The following CDYL2 variants were observed in gnomAD, a reference collection of about 807,000 sequenced individuals.
CDYL2 encodes the protein chromodomain Y like 2, also known as chromodomain Y-like protein 2.
Under a neutral mutation model 49.4 loss-of-function variants are expected in CDYL2, and 23 were observed. That is an observed-to-expected ratio of 0.47 (90% confidence interval 0.34 to 0.66). The LOEUF (loss-of-function observed/expected upper bound fraction) is 0.66. CDYL2 is among the 30% of genes least tolerant of loss of function. The pLI, the probability that CDYL2 is intolerant of heterozygous loss-of-function variation, is 0.01. For missense variants in CDYL2, 678 were observed against 656.4 expected, an observed-to-expected ratio of 1.03 and a Z score of -0.36; for synonymous variants, 360 against 268.8, an observed-to-expected ratio of 1.34 and a Z score of -3.32.
At chr16:80,625,050 T>C (rs1006501406) in intron 3 of CDYL2, among the ~76,000 whole-genome samples, 2 of 152,196 alleles carry the variant, frequency 1.3e-5, no homozygotes, top group Non-Finnish European at 2.9e-5. Context: ...TTTAACAGAA[T>C]TGATGAAAGA....
At chr16:80,652,846 C>A (rs768426480) in intron 2 of CDYL2, among the ~76,000 whole-genome samples, 2 of 152,164 alleles carry the variant, frequency 1.3e-5, no homozygotes, top group African/African-American at 4.8e-5. Flanking sequence ...CTACAAAATA[C>A]CAAGCAGCTC....
intron 2 of CDYL2, among the ~76,000 whole-genome samples, chr16:80,656,420 A>G (rs1908814531): frequency 6.6e-6 from 1 of 152,226 alleles, no homozygotes; most frequent in Admixed American, 6.5e-5. Context: ...CAGATCCCAC[A>G]TCCCCCTCAT....
At chr16:80,692,120 C>T (rs1910441195) in intron 1 of CDYL2, among the ~76,000 whole-genome samples, 1 of 152,166 alleles carries the variant, frequency 6.6e-6, no homozygotes, top group South Asian at 2.1e-4. Flanking sequence ...CTAAACAGGG[C>T]AGAAACGCTA....
chr16:80,601,009 G>A lies in CDYL2; in HGVS notation c.*3379C>T, dbSNP rs544756038. On this transcript the variant is annotated 3_prime_UTR_variant, in exon 7 of 7. Transcript: ENST00000570137. ...AGTTTAATCTATACCAAACAAGAAT[G>A]ATATTTTAAATCAATTCTCTACTAC... 1.3e-5 allele frequency: 2 copies of A among 152,296 alleles called. No homozygotes were observed. Among genetic ancestry groups the A allele is most frequent in the African/African-American group, 2.4e-5 (1 of 41,562 alleles). The allele number at this position is 152,296 out of a possible 1,614,324, so 9.4% of individuals were successfully genotyped here. A position where few individuals can be genotyped will look rare whatever the true frequency, so the allele number is the denominator to read the frequency against.
intron 2 of CDYL2, among the ~76,000 whole-genome samples, chr16:80,667,058 TAAAAACGGA>T (rs915199479): frequency 9.2e-5 from 14 of 151,976 alleles, no homozygotes; most frequent in Admixed American, 4.6e-4. Context: ...TGTGTGCAAA[TAAAAACGGA>T]AACTGAGCTA....
intron 6 of CDYL2, among the ~76,000 whole-genome samples, chr16:80,606,978 G>T (rs1181718837): frequency 6.6e-6 from 1 of 152,154 alleles, no homozygotes; most frequent in Non-Finnish European, 1.5e-5. Context: ...CCAGTCTCGG[G>T]TATGTCTTTA....
At chr16:80,794,194 T>C (rs1907695821) in intron 1 of CDYL2, among the ~76,000 whole-genome samples, 1 of 152,206 alleles carries the variant, frequency 6.6e-6, no homozygotes, top group Non-Finnish European at 1.5e-5. Flanking sequence ...CTACCTTTAA[T>C]ACAATATAAT....
At chr16:80,658,915 G>A (rs1908920882) in intron 2 of CDYL2, among the ~76,000 whole-genome samples, 1 of 152,160 alleles carries the variant, frequency 6.6e-6, no homozygotes, top group African/African-American at 2.4e-5. Context: ...ATTGCAAAAG[G>A]GCATATAAGG....
chr16:80,716,437 GATGGATGGATGC>G (rs1269054298), intron 1 of CDYL2, among the ~76,000 whole-genome samples: 2 of 152,020 alleles, frequency 1.3e-5, no homozygotes, highest in South Asian at 2.1e-4. Context: ...TGGGTAGGTC[GATGGATGGATGC>G]ATGGATGGAT....
intron 1 of CDYL2, among the ~76,000 whole-genome samples, chr16:80,717,999 C>T (rs1019495505): frequency 3.3e-5 from 5 of 152,164 alleles, no homozygotes; most frequent in African/African-American, 7.2e-5. Context: ...TGCTGTCTCA[C>T]GCTGGGTGCT....
intron 1 of CDYL2, among the ~76,000 whole-genome samples, chr16:80,716,689 G>T (rs1226061694): frequency 6.6e-6 from 1 of 151,462 alleles, no homozygotes; most frequent in Non-Finnish European, 1.5e-5. Flanking sequence ...GATAACAGAG[G>T]GGTAATTGAA....
chr16:80,670,923 C>T (rs1373299830), intron 2 of CDYL2: 9 of 455,840 alleles, frequency 2.0e-5, no homozygotes, highest in South Asian at 1.1e-4. Context: ...CAGGGGCTTG[C>T]CTCACCAGCT....
intron 3 of CDYL2, among the ~76,000 whole-genome samples, chr16:80,622,590 G>C (rs1325704581): frequency 6.6e-6 from 1 of 152,164 alleles, no homozygotes; most frequent in Non-Finnish European, 1.5e-5. Context: ...GCCTAGCACA[G>C]TGCCTGGGGT....
At chr16:80,744,930 T>A (rs144954275) in intron 1 of CDYL2, among the ~76,000 whole-genome samples, 473 of 152,220 alleles carry the variant, frequency 3.1e-3, no homozygotes, top group African/African-American at 0.011. Context: ...GCCACCTGTC[T>A]CCCCTAGGCC....
In CDYL2 at chr16:80,678,784, A is replaced by G. The variant is rs950584486; in HGVS notation, c.616+5754T>C. Among the ~76,000 whole-genome samples the G allele has an allele frequency of 1.4e-3, 213 of 151,268 alleles. 6 individuals carry two copies. The highest frequency in any genetic ancestry group is 5.0e-3 in the African/African-American group (205 of 40,858). ...TGGGTATATACCCAAAGGACTATAA[A>G]TCATGCTGCTATAAAGACACATGCA... On this transcript the variant is annotated intron_variant, in intron 2 of 6. Coordinates refer to ENST00000570137, the MANE Select transcript of CDYL2 (RefSeq NM_152342.4).
intron 1 of CDYL2, among the ~76,000 whole-genome samples, chr16:80,753,086 G>A (rs1224517473): frequency 6.6e-6 from 1 of 151,994 alleles, no homozygotes; most frequent in African/African-American, 2.4e-5. Flanking sequence ...GGGAAAAAAT[G>A]GTGTAATGCA....
At chr16:80,776,273 A>T (rs1891043331) in intron 1 of CDYL2, among the ~76,000 whole-genome samples, 1 of 152,170 alleles carries the variant, frequency 6.6e-6, no homozygotes, top group Admixed American at 6.5e-5. Flanking sequence ...TAGCTAGAAA[A>T]TTAAAAACAA....
chr16:80,675,799 C>G (rs1468487932), intron 2 of CDYL2, among the ~76,000 whole-genome samples: 1 of 152,088 alleles, frequency 6.6e-6, no homozygotes, highest in Non-Finnish European at 1.5e-5. Context: ...ACACTGTACC[C>G]GCTTACTGCT....
chr16:80,746,238 G>A (rs562081215), intron 1 of CDYL2, among the ~76,000 whole-genome samples: 3 of 152,274 alleles, frequency 2.0e-5, no homozygotes, highest in African/African-American at 4.8e-5. Context: ...ATCCAACTCT[G>A]TCTGAGCAAA....
Sources: gnomAD v4.1 joint callset for allele counts (sites outside exome capture counted in the v4.1 genomes callset) on GRCh38, gnomAD v4.1.1 for gene constraint, MANE v1.5 for transcripts, NCBI Gene and HGNC (gene_info 2026-07-23, HGNC 2026-07-21) for gene names.